Variants in SLC35G6 observed in about 807,000 individuals in gnomAD.
The protein encoded by SLC35G6 is acyl-malonyl condensing enzyme 1-like 3.
Under a neutral mutation model 20.3 loss-of-function variants are expected in SLC35G6, and 18 were observed. The observed-to-expected ratio is 0.88, with a 90% confidence interval of 0.61 to 1.31. SLC35G6 has a LOEUF of 1.31. Among genes scored for constraint, SLC35G6 ranks in the 40% most tolerant of loss-of-function variants. SLC35G6 has a pLI of 0.00. For synonymous variants in SLC35G6, 156 were observed against 200.9 expected, an observed-to-expected ratio of 0.78 and a Z score of 1.89; for missense variants, 372 against 433.4, an observed-to-expected ratio of 0.86 and a Z score of 1.26.
chr17:7,483,196 T>G lies in SLC35G6; in HGVS notation c.*195T>G. The G allele has an allele frequency of 9.4e-7, 1 of 1,059,886 alleles. No homozygotes were observed. The highest frequency in any genetic ancestry group is 1.3e-6 in the Non-Finnish European group (1 of 751,128). 65.7% of individuals were successfully genotyped at this position (1,059,886 alleles called of 1,614,324 possible). ...CTGGGGCCAGCCTGGGACCAAGGGA[T>G]GTGGAGACCAGGCTGGGTCCTGGAA... On this transcript the variant is annotated 3_prime_UTR_variant, in exon 2 of 2. Transcript: ENST00000412468.
Position 7,481,450 on chromosome 17 carries a change from C to A in SLC35G6, c.-67C>A, listed in dbSNP as rs762106362. ...CCCCACCCCCACTCCAACCATGTCA[C>A]AATGGCTGGAGCTCTGAGGGGCCCA... On this transcript the variant is annotated 5_prime_UTR_variant, in exon 1 of 2. Transcript: ENST00000412468. 1.4e-4 allele frequency: 204 copies of A among 1,414,278 alleles called. No individual in the cohort carries two copies. Among genetic ancestry groups the A allele is most frequent in the Middle Eastern group, 2.3e-4 (1 of 4,416 alleles). The allele number at this position is 1,414,278 out of a possible 1,614,324, so 87.6% of individuals were successfully genotyped here.
chr17:7,482,061 G>A lies in SLC35G6; in HGVS notation c.77G>A (p.Arg26His), dbSNP rs61740425. The A allele has an allele frequency of 4.7e-4, 752 of 1,613,716 alleles. 3 individuals carry two copies. The highest frequency in any genetic ancestry group is 3.5e-3 in the Middle Eastern group (21 of 6,062). ...CCGCCCTCCGCTCCACCCAGCCTCCGCTGGCACCAGTGCTGCCAGCCCTCT... is the reference window on the plus strand; with the variant it reads ...CCGCCCTCCGCTCCACCCAGCCTCCACTGGCACCAGTGCTGCCAGCCCTCT... The part of the protein sequence containing the change: ...PSPPSAPPSL[R>H]WHQCCQPSDA... Residue 26 changes from arginine to histidine, a missense_variant, in exon 2 of 2, where the codon CGC becomes CAC. Arg to His is a conservative substitution (Grantham distance 29). Transcript: ENST00000412468.
At position 7,483,439 on chromosome 17, in the gene SLC35G6, C is replaced by T. The variant is rs1597786342; in HGVS notation, c.*438C>T. On this transcript the variant is annotated 3_prime_UTR_variant, in exon 2 of 2. Transcript: ENST00000412468. ...AAGGTTTCCTTTCCTCGTGCTTGTG[C>T]CCCCCCCTTGGGGTGGTGACGTGAC... 3 of 257,890 alleles carry T rather than the reference C, an allele frequency of 1.2e-5. No homozygotes were observed. The highest frequency in any genetic ancestry group is 2.1e-4 in the East Asian group (2 of 9,734). The allele number at this position is 257,890 out of a possible 1,614,324, so 16.0% of individuals were successfully genotyped here. A position where few individuals can be genotyped will look rare whatever the true frequency, so the allele number is the denominator to read the frequency against.
Sources: allele counts gnomAD v4.1 joint callset, GRCh38; gene constraint gnomAD v4.1.1; transcripts MANE v1.5; gene names NCBI Gene and HGNC (gene_info 2026-07-23, HGNC 2026-07-21).